Variants in TEAD1 observed in about 807,000 individuals in gnomAD.
TEAD1 encodes TEA domain transcription factor 1, also known as transcriptional enhancer factor TEF-1.
In TEAD1, 9 loss-of-function variants were observed where a neutral mutation model predicts 54.9. The observed-to-expected ratio is 0.16, with a 90% CI of 0.10 to 0.29. The LOEUF (loss-of-function observed/expected upper bound fraction) is 0.29. TEAD1 is among the 10% of genes least tolerant of loss of function. The pLI is 1.00. For synonymous variants in TEAD1, 200 were observed against 187.8 expected, an observed-to-expected ratio of 1.07 and a Z score of -0.53; for missense variants, 387 against 535.9, an observed-to-expected ratio of 0.72 and a Z score of 2.74.
intron 3 of TEAD1, among the ~76,000 whole-genome samples, chr11:12,831,673 G>A (rs1406448987): frequency 6.6e-6 from 1 of 151,916 alleles, no homozygotes; most frequent in African/African-American, 2.4e-5. Flanking sequence ...CAGCTACTCA[G>A]GAGGCTGAGG....
At chr11:12,815,794 G>T (rs1946403307) in intron 3 of TEAD1, among the ~76,000 whole-genome samples, 1 of 152,222 alleles carries the variant, frequency 6.6e-6, no homozygotes, top group African/African-American at 2.4e-5. Flanking sequence ...GCACTGGGGT[G>T]CATGAGGGAG....
chr11:12,854,758 A>AT (rs11364747), intron 3 of TEAD1, among the ~76,000 whole-genome samples: 1,846 of 124,050 alleles, frequency 0.015, 37 homozygotes, highest in East Asian at 0.061. Flanking sequence ...AGCCTGGCTG[A>AT]TTTTTTTTTT....
chr11:12,858,167 C>CT (rs1947429612), intron 3 of TEAD1, among the ~76,000 whole-genome samples: 3 of 152,162 alleles, frequency 2.0e-5, no homozygotes, highest in Admixed American at 1.3e-4. Flanking sequence ...TGACAAGACT[C>CT]TCCTCAGAAC....
At chr11:12,923,229 A>G (rs1004621430) in intron 10 of TEAD1, among the ~76,000 whole-genome samples, 7 of 151,986 alleles carry the variant, frequency 4.6e-5, no homozygotes, top group African/African-American at 1.4e-4. Context: ...TCACCTCTCC[A>G]GCTCTCCTGC....
At chr11:12,862,183 C>G in intron 3 of TEAD1, 67 bp from the exon 4 acceptor site, 1 of 1,338,238 alleles carries the variant, frequency 7.5e-7, no homozygotes, top group Non-Finnish European at 1.1e-6. Flanking sequence ...TTGTTTTTTG[C>G]TTTCAAGGGC....
In TEAD1 at chr11:12,941,207, C is replaced by T. The variant is rs1011735477; in HGVS notation, c.*3985C>T. 2 of 152,272 alleles carry T rather than the reference C, an allele frequency of 1.3e-5. No homozygotes were observed. The highest frequency in any genetic ancestry group is 6.5e-5 in the Admixed American group (1 of 15,282). 9.4% of individuals were successfully genotyped at this position (152,272 alleles called of 1,614,324 possible). On this transcript the variant is annotated 3_prime_UTR_variant, in exon 13 of 13. Coordinates refer to ENST00000527636, the MANE Select transcript of TEAD1 (RefSeq NM_021961.6). ...CAGAGCACAGCCTCACCGGATGCTG[C>T]TTCCCACACTGAAGTGTCCTGTCCG...
chr11:12,795,692 T>A (rs2133967914), intron 3 of TEAD1, among the ~76,000 whole-genome samples: 1 of 152,284 alleles, frequency 6.6e-6, no homozygotes, highest in African/African-American at 2.4e-5. Context: ...TGAGAGCTTT[T>A]TTTGGAAATG....
chr11:12,882,647 A>G (rs991599155), intron 8 of TEAD1, among the ~76,000 whole-genome samples: 1 of 152,180 alleles, frequency 6.6e-6, no homozygotes, highest in Non-Finnish European at 1.5e-5. Context: ...AGTGCATGGC[A>G]TGTTCGGGTC....
At chr11:12,789,609 T>A (rs1185818449) in intron 3 of TEAD1, among the ~76,000 whole-genome samples, 4 of 152,196 alleles carry the variant, frequency 2.6e-5, no homozygotes, top group African/African-American at 9.7e-5. Context: ...TGAGTGTGCC[T>A]TTACACCCGA....
At chr11:12,705,768 T>C (rs1039863683) in intron 2 of TEAD1, among the ~76,000 whole-genome samples, 1 of 152,206 alleles carries the variant, frequency 6.6e-6, no homozygotes, top group African/African-American at 2.4e-5. Flanking sequence ...CATGTTGTCT[T>C]TTTACTTTTA....
intron 5 of TEAD1, chr11:12,879,029 C>T (rs1409162637): frequency 4.9e-6 from 3 of 611,638 alleles, no homozygotes; most frequent in African/African-American, 3.9e-5. Context: ...AAACCACGTA[C>T]CTGTAGCATC....
At chr11:12,833,161 CCAGA>C (rs1345006627) in intron 3 of TEAD1, among the ~76,000 whole-genome samples, 2 of 152,142 alleles carry the variant, frequency 1.3e-5, no homozygotes, top group Non-Finnish European at 2.9e-5. Context: ...CAATAATTGA[CCAGA>C]CAGAGAAGGC....
intron 3 of TEAD1, among the ~76,000 whole-genome samples, chr11:12,850,138 TAC>T (rs771717693): frequency 4.6e-5 from 7 of 152,174 alleles, no homozygotes; most frequent in Non-Finnish European, 8.8e-5. Flanking sequence ...GACATTACAT[TAC>T]AGTTAAAGAA....
intron 2 of TEAD1, among the ~76,000 whole-genome samples, chr11:12,745,721 A>G (rs1174754565): frequency 6.6e-6 from 1 of 151,826 alleles, no homozygotes; most frequent in African/African-American, 2.4e-5. Flanking sequence ...ACAATTGAGA[A>G]CCTTTTCCCC....
At chr11:12,888,345 C>G (rs757895100) in intron 9 of TEAD1, among the ~76,000 whole-genome samples, 1 of 152,156 alleles carries the variant, frequency 6.6e-6, no homozygotes, top group Non-Finnish European at 1.5e-5. Context: ...CCTATCTCTA[C>G]TAAAAATACA....
intron 10 of TEAD1, among the ~76,000 whole-genome samples, chr11:12,924,319 G>C (rs1399240729): frequency 6.6e-6 from 1 of 152,158 alleles, no homozygotes; most frequent in Non-Finnish European, 1.5e-5. Flanking sequence ...GTTATTTTAT[G>C]TATCTTCCAT....
intron 2 of TEAD1, among the ~76,000 whole-genome samples, chr11:12,682,096 C>T (rs558477697): frequency 2.9e-4 from 44 of 152,180 alleles, no homozygotes; most frequent in South Asian, 1.5e-3. Context: ...GGCTGGGAAC[C>T]ATTGATCTAG....
chr11:12,795,743 T>A (rs1391488657), intron 3 of TEAD1, among the ~76,000 whole-genome samples: 1 of 152,148 alleles, frequency 6.6e-6, no homozygotes, highest in Non-Finnish European at 1.5e-5. Flanking sequence ...TTTAACAAGA[T>A]CCCCAGGTGA....
At chr11:12,777,179 C>T (rs533633622) in intron 3 of TEAD1, among the ~76,000 whole-genome samples, 4 of 152,170 alleles carry the variant, frequency 2.6e-5, no homozygotes, top group Non-Finnish European at 4.4e-5. Flanking sequence ...GGTGTGATAG[C>T]GAAACCTGCT....
Sources: gnomAD v4.1 joint callset for allele counts (sites outside exome capture counted in the v4.1 genomes callset) on GRCh38, gnomAD v4.1.1 for gene constraint, MANE v1.5 for transcripts, NCBI Gene and HGNC (gene_info 2026-07-23, HGNC 2026-07-21) for gene names.